The following RASA1 variants were observed in gnomAD, a reference collection of about 807,000 sequenced individuals.
The protein encoded by RASA1 is ras GTPase-activating protein 1.
RASA1 carries 25 observed loss-of-function variants against 132.2 expected under a neutral mutation model. That is an observed-to-expected ratio of 0.19 (90% CI 0.14 to 0.26). RASA1 has a LOEUF of 0.26. RASA1 is among the 10% of genes least tolerant of loss of function. RASA1 has a pLI of 1.00. For missense variants in RASA1, 964 were observed against 1,299.2 expected (o/e 0.74, Z 3.97); for synonymous variants, 477 against 449.9 (o/e 1.06, Z -0.76).
chr5:87,287,785 C>CCATATATAT, intron 1 of RASA1, among the ~76,000 whole-genome samples: 1 of 87,202 alleles, frequency 1.1e-5, no homozygotes, highest in African/African-American at 4.0e-5. Flanking sequence ...CATATATGTA[C>CCATATATAT]ACGCCATATA....
At chr5:87,347,541 T>C (rs1758950331) in intron 7 of RASA1, among the ~76,000 whole-genome samples, 1 of 152,028 alleles carries the variant, frequency 6.6e-6, no homozygotes, top group Non-Finnish European at 1.5e-5. Flanking sequence ...ATAGTTTCTA[T>C]ATTTGGTGAA....
At chr5:87,309,366 AGAG>A (rs933990720) in intron 1 of RASA1, among the ~76,000 whole-genome samples, 18 of 152,156 alleles carry the variant, frequency 1.2e-4, no homozygotes, top group Non-Finnish European at 2.2e-4. Context: ...AGGGCACTGG[AGAG>A]GAGAAGTTGC....
At chr5:87,304,453 T>C (rs1755515319) in intron 1 of RASA1, among the ~76,000 whole-genome samples, 1 of 152,108 alleles carries the variant, frequency 6.6e-6, no homozygotes. Flanking sequence ...ATTATTGCTC[T>C]GCATGTTTAT....
At chr5:87,306,943 T>C (rs1479313556) in intron 1 of RASA1, among the ~76,000 whole-genome samples, 14 of 152,090 alleles carry the variant, frequency 9.2e-5, no homozygotes, top group Admixed American at 9.2e-4. Context: ...ACTGCATACT[T>C]GAACTCCTGG....
intron 9 of RASA1, among the ~76,000 whole-genome samples, chr5:87,358,576 CTT>C (rs1759833581): frequency 6.6e-6 from 1 of 152,212 alleles, no homozygotes; most frequent in Non-Finnish European, 1.5e-5. Context: ...GCTTTGTCCC[CTT>C]ATGCTGCATG....
chr5:87,324,127 T>C (rs145076802), intron 1 of RASA1, among the ~76,000 whole-genome samples: 1 of 152,316 alleles, frequency 6.6e-6, no homozygotes, highest in East Asian at 1.9e-4. Context: ...CTTCATGTGC[T>C]GAATGGTATG....
chr5:87,295,123 C>T (rs543603042), intron 1 of RASA1, among the ~76,000 whole-genome samples: 18 of 152,302 alleles, frequency 1.2e-4, no homozygotes, highest in Middle Eastern at 3.4e-3. Context: ...TTTCCATGCT[C>T]TGAAGTTGGC....
chr5:87,289,777 A>G (rs936137286), intron 1 of RASA1, among the ~76,000 whole-genome samples: 2 of 151,966 alleles, frequency 1.3e-5, no homozygotes, highest in East Asian at 3.9e-4. Flanking sequence ...TGCCCAGCTA[A>G]TGCTTTATTT....
chr5:87,316,968 T>C (rs1050342990), intron 1 of RASA1, among the ~76,000 whole-genome samples: 3 of 151,926 alleles, frequency 2.0e-5, no homozygotes, highest in Non-Finnish European at 4.4e-5. Context: ...CTGCAACCTC[T>C]ACCTCCTGGA....
chr5:87,306,028 ATTAG>A (rs1394529011), intron 1 of RASA1, among the ~76,000 whole-genome samples: 2 of 152,246 alleles, frequency 1.3e-5, no homozygotes, highest in Non-Finnish European at 2.9e-5. Context: ...GGGAGTGTAA[ATTAG>A]TTCAACTGTT....
intron 1 of RASA1, among the ~76,000 whole-genome samples, chr5:87,305,733 A>G (rs1378932429): frequency 2.0e-5 from 3 of 152,210 alleles, no homozygotes; most frequent in Non-Finnish European, 4.4e-5. Flanking sequence ...TGCAAACTAC[A>G]TATCTGACAG....
intron 8 of RASA1, 77 bp from the exon 9 acceptor site, chr5:87,353,080 A>C (rs1281235835): frequency 1.7e-6 from 2 of 1,183,864 alleles, no homozygotes; most frequent in Non-Finnish European, 1.2e-6. Flanking sequence ...AATCCTTGGC[A>C]AGAAAGTTTA....
chr5:87,347,917 A>T (rs1467776303), intron 7 of RASA1, among the ~76,000 whole-genome samples: 1 of 151,962 alleles, frequency 6.6e-6, no homozygotes, highest in African/African-American at 2.4e-5. Context: ...TACAAGGTTG[A>T]AAAGGAGCTA....
intron 1 of RASA1, among the ~76,000 whole-genome samples, chr5:87,277,671 A>G (rs898522309): frequency 6.6e-6 from 1 of 152,188 alleles, no homozygotes; most frequent in Non-Finnish European, 1.5e-5. Context: ...ACTGACTAAT[A>G]CATGGGTAAC....
chr5:87,351,833 C>G (rs140796610), intron 8 of RASA1, among the ~76,000 whole-genome samples: 1 of 151,864 alleles, frequency 6.6e-6, no homozygotes, highest in East Asian at 1.9e-4. Flanking sequence ...CTGTACTTCC[C>G]CATGGTTTCC....
chr5:87,320,710 G>T (rs1282632265), intron 1 of RASA1, among the ~76,000 whole-genome samples: 1 of 152,208 alleles, frequency 6.6e-6, no homozygotes, highest in Non-Finnish European at 1.5e-5. Context: ...TGAGATTTGG[G>T]TAGGGATACA....
rs953935050 is a variant in RASA1, at chr5:87,286,200, C to T, written c.539+17210C>T. On this transcript the variant is annotated intron_variant, in intron 1 of 24. Coordinates refer to ENST00000274376, the MANE Select transcript of RASA1 (RefSeq NM_002890.3). The stretch of plus-strand genomic sequence containing the variant: ...TATTTTTTTAGTAGAGTCAGGGTTT[C>T]ACATGTTGGCAAGGCTGGTCTCGAA... Among the ~76,000 whole-genome samples the T allele has an allele frequency of 3.4e-4, 52 of 152,130 alleles. 1 individual carries two copies. Among genetic ancestry groups the T allele is most frequent in the Non-Finnish European group, 2.9e-4 (20 of 67,994 alleles).
intron 7 of RASA1, 22 bp from the exon 8 acceptor site, chr5:87,349,192 A>T: frequency 6.2e-7 from 1 of 1,610,282 alleles, no homozygotes; most frequent in Middle Eastern, 1.7e-4. Flanking sequence ...TTAGGGAAAA[A>T]CTAACAGCTT....
chr5:87,298,231 A>G (rs1236460638), intron 1 of RASA1, among the ~76,000 whole-genome samples: 1 of 151,932 alleles, frequency 6.6e-6, no homozygotes, highest in African/African-American at 2.4e-5. Flanking sequence ...AACATGGTGA[A>G]ACCCTGTCTC....
Sources: allele counts gnomAD v4.1 joint callset (sites outside exome capture counted in the v4.1 genomes callset), GRCh38; gene constraint gnomAD v4.1.1; transcripts MANE v1.5; gene names NCBI Gene and HGNC (gene_info 2026-07-23, HGNC 2026-07-21).